Variants in FOXN3 observed in about 807,000 individuals in gnomAD.
FOXN3 encodes the protein forkhead box protein N3.
FOXN3 carries 7 observed loss-of-function variants against 38.4 expected under a neutral mutation model. That is an observed-to-expected ratio of 0.18 (90% CI 0.10 to 0.34). FOXN3 has a LOEUF of 0.34. Ranked by LOEUF, FOXN3 falls within the 10% of genes least tolerant of loss-of-function variation. The probability of loss-of-function intolerance (pLI) is 1.00; values close to 1 mark genes in which losing one functional copy is unlikely to be tolerated. For synonymous variants in FOXN3, 230 were observed against 242.2 expected (o/e 0.95, Z 0.47); for missense variants, 456 against 613.4 (o/e 0.74, Z 2.71).
At chr14:89,447,609 T>C (rs544558725) in intron 1 of FOXN3, among the ~76,000 whole-genome samples, 111 of 151,966 alleles carry the variant, frequency 7.3e-4, no homozygotes, top group African/African-American at 2.6e-3. Flanking sequence ...AGCATCCAAA[T>C]ATATACTCTA....
At chr14:89,285,206 A>C (rs745960357) in intron 3 of FOXN3, among the ~76,000 whole-genome samples, 1 of 152,178 alleles carries the variant, frequency 6.6e-6, no homozygotes, top group Non-Finnish European at 1.5e-5. Flanking sequence ...TCACCTGCCA[A>C]ATGTGAACTA....
At chr14:89,600,445 T>C (rs1293257756) in intron 1 of FOXN3, among the ~76,000 whole-genome samples, 1 of 152,230 alleles carries the variant, frequency 6.6e-6, no homozygotes, top group African/African-American at 2.4e-5. Flanking sequence ...CCACTGTTGT[T>C]TGTAGGGCCC....
At chr14:89,611,094 T>A (rs1896378470) in intron 1 of FOXN3, among the ~76,000 whole-genome samples, 1 of 152,106 alleles carries the variant, frequency 6.6e-6, no homozygotes, top group African/African-American at 2.4e-5. Flanking sequence ...ATTTAATTTT[T>A]AAGTTTCCCC....
At chr14:89,280,663 C>A (rs1241538487) in intron 4 of FOXN3, among the ~76,000 whole-genome samples, 2 of 152,084 alleles carry the variant, frequency 1.3e-5, no homozygotes, top group African/African-American at 2.4e-5. Context: ...TCCAACATCA[C>A]CAAAGCAAGC....
intron 4 of FOXN3, among the ~76,000 whole-genome samples, chr14:89,225,106 C>T (rs778822917): frequency 5.9e-4 from 78 of 133,140 alleles, no homozygotes; most frequent in African/African-American, 2.2e-3. Context: ...TCCAGCCTGG[C>T]GACAGAGTGA....
chr14:89,340,677 T>A (rs1596196173), intron 3 of FOXN3, among the ~76,000 whole-genome samples: 1 of 152,278 alleles, frequency 6.6e-6, no homozygotes, highest in Non-Finnish European at 1.5e-5. Context: ...TGGGTGTTAT[T>A]CTCATCAATT....
chr14:89,257,357 G>A (rs891873635), intron 4 of FOXN3, among the ~76,000 whole-genome samples: 1 of 152,244 alleles, frequency 6.6e-6, no homozygotes, highest in African/African-American at 2.4e-5. Flanking sequence ...CATAAGAAGA[G>A]AGGTTCAAAT....
intron 2 of FOXN3, among the ~76,000 whole-genome samples, chr14:89,354,691 C>A (rs1470141067): frequency 6.6e-6 from 1 of 151,318 alleles, no homozygotes; most frequent in African/African-American, 2.4e-5. Context: ...CCCATCTCTA[C>A]TAAAAATACC....
chr14:89,500,073 G>A (rs1270514842), intron 1 of FOXN3, among the ~76,000 whole-genome samples: 6 of 152,092 alleles, frequency 3.9e-5, no homozygotes, highest in East Asian at 1.9e-4. Context: ...GGCTGGTCTC[G>A]AACTCCTGAC....
intron 4 of FOXN3, among the ~76,000 whole-genome samples, chr14:89,266,412 C>T (rs1044807563): frequency 1.3e-5 from 2 of 152,108 alleles, no homozygotes; most frequent in South Asian, 2.1e-4. Flanking sequence ...ACCTCTTTAA[C>T]GGCTCTATCT....
chr14:89,279,413 A>G (rs1227474768), intron 4 of FOXN3, among the ~76,000 whole-genome samples: 1 of 152,188 alleles, frequency 6.6e-6, no homozygotes, highest in Non-Finnish European at 1.5e-5. Flanking sequence ...GAACTTACCT[A>G]ATGCCAAAGT....
chr14:89,367,455 T>C (rs1890191960), intron 2 of FOXN3, among the ~76,000 whole-genome samples: 1 of 152,134 alleles, frequency 6.6e-6, no homozygotes, highest in South Asian at 2.1e-4. Flanking sequence ...GTCAGTGTTA[T>C]CGATTCCTCC....
chr14:89,232,973 C>CAAA (rs1245279031), intron 4 of FOXN3, among the ~76,000 whole-genome samples: 1 of 152,174 alleles, frequency 6.6e-6, no homozygotes, highest in Non-Finnish European at 1.5e-5. Flanking sequence ...ATAGTAACAA[C>CAAA]AAAAAATAAC....
chr14:89,352,982 C>T (rs369147470), intron 2 of FOXN3, among the ~76,000 whole-genome samples: 145 of 152,274 alleles, frequency 9.5e-4, no homozygotes, highest in African/African-American at 3.3e-3. Context: ...AACAGTGAAA[C>T]GCCATCTCAA....
intron 4 of FOXN3, among the ~76,000 whole-genome samples, chr14:89,257,520 G>C (rs1885661567): frequency 6.6e-6 from 1 of 152,194 alleles, no homozygotes; most frequent in Non-Finnish European, 1.5e-5. Flanking sequence ...TGTGGGAAGA[G>C]ACTAGATTAG....
In FOXN3 at chr14:89,456,244, AG is replaced by A. The variant is rs1163658150; in HGVS notation, c.-14-43755del. ...CCACAAAAGAGCCCGTGGGCCCTGC[AG>A]GTTCAAGGCTTTCATATTAGGGTTT... On this transcript the variant is annotated intron_variant, in intron 1 of 6. Coordinates refer to the FOXN3 transcript ENST00000345097. Among the ~76,000 whole-genome samples, 3 of 150,600 alleles carry A rather than the reference AG, an allele frequency of 2.0e-5. No individual in the cohort carries two copies. In the East Asian group the frequency reaches 5.9e-4, roughly 29 times the overall value.
At chr14:89,580,178 C>G (rs1895716157) in intron 1 of FOXN3, among the ~76,000 whole-genome samples, 1 of 152,174 alleles carries the variant, frequency 6.6e-6, no homozygotes, top group Admixed American at 6.5e-5. Context: ...TCCTAAGAGT[C>G]TCCAGAAATA....
chr14:89,257,253 AT>A (rs1885652783), intron 4 of FOXN3, among the ~76,000 whole-genome samples: 1 of 152,124 alleles, frequency 6.6e-6, no homozygotes, highest in African/African-American at 2.4e-5. Context: ...GCAAGGTGAC[AT>A]TTTCAAGGTG....
chr14:89,421,153 T>C (rs1336189267), upstream of FOXN3, among the ~76,000 whole-genome samples: 5 of 148,170 alleles, frequency 3.4e-5, no homozygotes, highest in Non-Finnish European at 7.5e-5. Flanking sequence ...TTCTTTTTTT[T>C]TTTTTTTTTT....
Sources: allele counts gnomAD v4.1 joint callset (sites outside exome capture counted in the v4.1 genomes callset), GRCh38; gene constraint gnomAD v4.1.1; transcripts MANE v1.5; gene names NCBI Gene and HGNC (gene_info 2026-07-23, HGNC 2026-07-21).